Variants in SNTG2 observed in about 807,000 individuals in gnomAD.
SNTG2 encodes gamma-2-syntrophin.
In SNTG2, 74 loss-of-function variants were observed where a neutral mutation model predicts 70.9. That is an observed-to-expected ratio of 1.04 (90% CI 0.86 to 1.27). The LOEUF (loss-of-function observed/expected upper bound fraction) is 1.27. Among genes scored for constraint, SNTG2 ranks in the 50% most tolerant of loss-of-function variants. The pLI, the probability that SNTG2 is intolerant of heterozygous loss-of-function variation, is 0.00. For synonymous variants in SNTG2, 278 were observed against 273.8 expected, an observed-to-expected ratio of 1.02 and a Z score of -0.15; for missense variants, 717 against 690.7, an observed-to-expected ratio of 1.04 and a Z score of -0.43.
At chr2:1,360,651 C>CAA (rs5828813) in intron 16 of SNTG2, among the ~76,000 whole-genome samples, 67,023 of 150,840 alleles carry the variant, frequency 0.44, 14,901 homozygotes, top group Middle Eastern at 0.49. Context: ...CACAAACAAA[C>CAA]AAAAAAAAAG....
chr2:1,128,830 G>A (rs201113437), intron 4 of SNTG2, among the ~76,000 whole-genome samples: 1 of 152,008 alleles, frequency 6.6e-6, no homozygotes, highest in Admixed American at 6.6e-5. Context: ...CACAGGGAAT[G>A]CTCAGTTTGT....
chr2:1,350,281 A>G (rs1477582305), intron 16 of SNTG2, among the ~76,000 whole-genome samples: 1 of 152,156 alleles, frequency 6.6e-6, no homozygotes, highest in Non-Finnish European at 1.5e-5. Flanking sequence ...CTTGGATGTA[A>G]CCACATTAGT....
At chr2:1,278,665 G>A (rs1016327219) in intron 14 of SNTG2, among the ~76,000 whole-genome samples, 13 of 152,164 alleles carry the variant, frequency 8.5e-5, no homozygotes, top group Admixed American at 8.5e-4. Flanking sequence ...AAATACCAAT[G>A]CTTCTTTCTC....
rs535716562 is a variant in SNTG2, at chr2:1,230,417, C to G, written c.720-7471C>G. Among the ~76,000 whole-genome samples the G allele has an allele frequency of 5.9e-5, 9 of 152,258 alleles. No individual in the cohort carries two copies. In the South Asian group the frequency reaches 1.7e-3, roughly 28 times the overall value. On this transcript the variant is annotated intron_variant, in intron 9 of 16. Transcript: ENST00000308624. ...GCCGATGCTGAAGCCGAGAAGATTT[C>G]GGGACAGTTCTGTGAGTGATGCCTT...
At chr2:1,011,788 C>T (rs1659735011) in intron 1 of SNTG2, among the ~76,000 whole-genome samples, 1 of 151,944 alleles carries the variant, frequency 6.6e-6, no homozygotes, top group African/African-American at 2.4e-5. Flanking sequence ...GAGATAAATG[C>T]TTATTATCAA....
intron 6 of SNTG2, among the ~76,000 whole-genome samples, chr2:1,148,168 G>A (rs1157262270): frequency 2.0e-5 from 3 of 152,210 alleles, no homozygotes; most frequent in African/African-American, 7.2e-5. Flanking sequence ...TCAGATCAGT[G>A]AGAGCAGAAA....
chr2:996,428 C>T (rs1013170400), intron 1 of SNTG2, among the ~76,000 whole-genome samples: 1 of 152,042 alleles, frequency 6.6e-6, no homozygotes, highest in South Asian at 2.1e-4. Context: ...GTGTTCCTTA[C>T]ACCTTGTAGA....
chr2:1,080,196 G>A (rs538797028), intron 1 of SNTG2, among the ~76,000 whole-genome samples: 61 of 152,322 alleles, frequency 4.0e-4, no homozygotes, highest in African/African-American at 1.4e-3. Flanking sequence ...GTCACTGGGG[G>A]ATCTGGAGAA....
chr2:1,102,152 C>G (rs1281125749), intron 4 of SNTG2, among the ~76,000 whole-genome samples: 1 of 152,190 alleles, frequency 6.6e-6, no homozygotes, highest in African/African-American at 2.4e-5. Context: ...GAGATGACGG[C>G]TCCTGTGGAG....
intron 1 of SNTG2, among the ~76,000 whole-genome samples, chr2:1,033,288 C>A (rs1339630345): frequency 6.6e-6 from 1 of 152,142 alleles, no homozygotes; most frequent in Admixed American, 6.5e-5. Flanking sequence ...GGGTGTTGTC[C>A]TGCAGAGGAA....
At chr2:1,037,859 G>A (rs909014894) in intron 1 of SNTG2, among the ~76,000 whole-genome samples, 6 of 152,090 alleles carry the variant, frequency 3.9e-5, no homozygotes, top group Admixed American at 2.0e-4. Flanking sequence ...GGACTTTCTG[G>A]TCGTCTTTAA....
intron 16 of SNTG2, among the ~76,000 whole-genome samples, chr2:1,361,642 C>T (rs113474807): frequency 1.1e-4 from 16 of 151,812 alleles, no homozygotes; most frequent in African/African-American, 3.6e-4. Context: ...CGAAGGTCAC[C>T]GATGCTGAGC....
Position 1,337,821 on chromosome 2 carries a change from T to C in SNTG2, c.1488+21446T>C, listed in dbSNP as rs73908861. On this transcript the variant is annotated intron_variant, in intron 16 of 16. Coordinates refer to ENST00000308624, the MANE Select transcript of SNTG2 (RefSeq NM_018968.4). Reference sequence around the variant, plus strand: ...TGTTTCCCTATGTTTTCTTCTAAACTTTTTAAAGTTTTAATTCTTATGTTT... The same window carrying C: ...TGTTTCCCTATGTTTTCTTCTAAACCTTTTAAAGTTTTAATTCTTATGTTT... 8.0e-3 allele frequency among the ~76,000 whole-genome samples: 1,212 copies of C among 152,306 alleles called. 11 individuals carry two copies. The highest frequency in any genetic ancestry group is 0.025 in the African/African-American group (1,057 of 41,566).
chr2:1,232,946 T>C (rs1037740656), intron 9 of SNTG2, among the ~76,000 whole-genome samples: 3 of 152,216 alleles, frequency 2.0e-5, no homozygotes, highest in Non-Finnish European at 2.9e-5. Flanking sequence ...TAAACAGGCA[T>C]GTGTGCAATG....
chr2:1,306,665 C>T (rs1327361154), intron 14 of SNTG2, among the ~76,000 whole-genome samples: 3 of 143,328 alleles, frequency 2.1e-5, no homozygotes, highest in African/African-American at 7.7e-5. Flanking sequence ...CTGGCTCCAG[C>T]CTCCCTCGGC....
intron 1 of SNTG2, among the ~76,000 whole-genome samples, chr2:981,050 G>A (rs1436709297): frequency 6.6e-6 from 1 of 152,146 alleles, no homozygotes; most frequent in Non-Finnish European, 1.5e-5. Context: ...TTGAATCTTG[G>A]CAGGCTGTGT....
At chr2:1,165,474 A>G in intron 6 of SNTG2, 74 bp from the exon 7 acceptor site, 1 of 1,346,554 alleles carries the variant, frequency 7.4e-7, no homozygotes, top group Non-Finnish European at 1.0e-6. Context: ...GGAGAGGTAG[A>G]GAGATTTTAT....
intron 8 of SNTG2, among the ~76,000 whole-genome samples, chr2:1,208,475 T>C (rs1673809427): frequency 6.6e-6 from 1 of 152,168 alleles, no homozygotes; most frequent in Non-Finnish European, 1.5e-5. Context: ...GTGGATCCTG[T>C]GGCCCAGAAC....
rs145626449 is a variant in SNTG2, at chr2:1,091,654, C to T, written c.211-6542C>T. ...TGGCCTGTGCTTAGACCTGAAGAAA[C>T]TCATACTCAGGGCTTTGGGTGTGAG... On this transcript the variant is annotated intron_variant, in intron 2 of 16. Coordinates refer to ENST00000308624, the MANE Select transcript of SNTG2 (RefSeq NM_018968.4). 2.7e-3 allele frequency among the ~76,000 whole-genome samples: 409 copies of T among 152,270 alleles called. 5 individuals are homozygous for T. The highest frequency in any genetic ancestry group is 9.2e-3 in the African/African-American group (384 of 41,554).
Sources: gnomAD v4.1 joint callset for allele counts (sites outside exome capture counted in the v4.1 genomes callset) on GRCh38, gnomAD v4.1.1 for gene constraint, MANE v1.5 for transcripts, NCBI Gene and HGNC (gene_info 2026-07-23, HGNC 2026-07-21) for gene names.